SGCZ: variants seen among roughly 807,000 people sequenced by gnomAD.
SGCZ encodes the protein sarcoglycan zeta, also known as zeta-sarcoglycan.
In SGCZ, 40 loss-of-function variants were observed where a neutral mutation model predicts 41.3. The observed-to-expected ratio is 0.97, with a 90% CI of 0.75 to 1.26. The LOEUF (loss-of-function observed/expected upper bound fraction) is 1.26. SGCZ is among the 50% of genes most tolerant of loss of function. SGCZ has a pLI of 0.00. For missense variants in SGCZ, 552 were observed against 369.8 expected (o/e 1.49, Z -4.04); for synonymous variants, 206 against 137.5 (o/e 1.50, Z -3.49).
At chr8:14,833,233 T>C (rs1468398418) in intron 1 of SGCZ, among the ~76,000 whole-genome samples, 2 of 152,066 alleles carry the variant, frequency 1.3e-5, no homozygotes, top group Non-Finnish European at 2.9e-5. Flanking sequence ...TAAACACAAA[T>C]GACACAGAGT....
chr8:14,519,624 A>C (rs1802729529), intron 2 of SGCZ, among the ~76,000 whole-genome samples: 1 of 152,112 alleles, frequency 6.6e-6, no homozygotes, highest in South Asian at 2.1e-4. Context: ...AGAATGGAAG[A>C]ATATTTCCTG....
chr8:14,754,920 G>A (rs547445319), intron 1 of SGCZ, among the ~76,000 whole-genome samples: 54 of 152,036 alleles, frequency 3.6e-4, no homozygotes, highest in Admixed American at 1.6e-3. Flanking sequence ...TTGTAGAGAC[G>A]GCGTTTCACC....
chr8:14,558,613 A>AGAGAGAGAGAGAGAGAGAGAGAGAGAG (rs59852253), intron 1 of SGCZ, among the ~76,000 whole-genome samples: 4 of 148,536 alleles, frequency 2.7e-5, no homozygotes, highest in Non-Finnish European at 1.5e-5. Flanking sequence ...AGAGAGAGAG[A>AGAGAGAGAGAGAGAGAGAGAGAGAGAG]ATCTTCCATA....
chr8:15,062,469 AT>A (rs1442638942), intron 1 of SGCZ, among the ~76,000 whole-genome samples: 6 of 152,202 alleles, frequency 3.9e-5, no homozygotes, highest in African/African-American at 1.4e-4. Context: ...TTCCTATGCA[AT>A]AACGATATTT....
intron 4 of SGCZ, among the ~76,000 whole-genome samples, chr8:14,170,515 A>G (rs1009284329): frequency 1.3e-5 from 2 of 152,136 alleles, no homozygotes; most frequent in South Asian, 2.1e-4. Context: ...CCTGGCCTCT[A>G]TGAATTTTAA....
chr8:14,386,837 A>G (rs1804596056), intron 2 of SGCZ, among the ~76,000 whole-genome samples: 1 of 152,234 alleles, frequency 6.6e-6, no homozygotes, highest in East Asian at 1.9e-4. Context: ...ATATTTTAAT[A>G]TTAAAATTCT....
At chr8:14,691,871 C>A (rs533208564) in intron 1 of SGCZ, among the ~76,000 whole-genome samples, 9 of 151,840 alleles carry the variant, frequency 5.9e-5, no homozygotes, top group Non-Finnish European at 1.0e-4. Flanking sequence ...AATTTTATAA[C>A]TGTTTTGTGA....
At chr8:14,641,257 C>T (rs567608047) in intron 1 of SGCZ, among the ~76,000 whole-genome samples, 1 of 151,760 alleles carries the variant, frequency 6.6e-6, no homozygotes, top group East Asian at 2.0e-4. Context: ...GCAAAAGCAA[C>T]AAAACACATA....
intron 2 of SGCZ, among the ~76,000 whole-genome samples, chr8:14,437,286 T>C (rs894203720): frequency 1.3e-5 from 2 of 152,194 alleles, no homozygotes; most frequent in South Asian, 2.1e-4. Context: ...TAATTTCTTA[T>C]ACCACATTGA....
At chr8:14,239,663 G>A (rs1014963158) in intron 3 of SGCZ, among the ~76,000 whole-genome samples, 1 of 151,790 alleles carries the variant, frequency 6.6e-6, no homozygotes, top group African/African-American at 2.4e-5. Context: ...AGCACTTTGG[G>A]AGGCCGAGGC....
rs760788606 is a variant in SGCZ, at chr8:14,528,827, C to CAAAAA, written c.234+25900_234+25904dup. 2.0e-3 allele frequency among the ~76,000 whole-genome samples: 104 copies of CAAAAA among 52,546 alleles called. 3 individuals carry two copies. The highest frequency in any genetic ancestry group is 0.011 in the African/African-American group (98 of 9,206). 34.5% of individuals were successfully genotyped at this position (52,546 alleles called of 152,430 possible). The stretch of plus-strand genomic sequence containing the variant: ...TAATAACACAACATCACGGACCAGC[C>CAAAAA]AAAAAAAAAACAAAACAAAAACAAA... On this transcript the variant is annotated intron_variant, in intron 2 of 7. Coordinates refer to ENST00000382080, the MANE Select transcript of SGCZ (RefSeq NM_139167.4).
At chr8:14,469,860 C>T (rs1214894303) in intron 2 of SGCZ, among the ~76,000 whole-genome samples, 3 of 152,152 alleles carry the variant, frequency 2.0e-5, no homozygotes, top group Non-Finnish European at 4.4e-5. Context: ...GGCATGGAAG[C>T]TCTGTGCCCC....
chr8:14,126,842 G>A (rs1802876193), intron 5 of SGCZ, among the ~76,000 whole-genome samples: 1 of 152,078 alleles, frequency 6.6e-6, no homozygotes, highest in Non-Finnish European at 1.5e-5. Context: ...CAGGGACATG[G>A]ATGAAGCTGT....
intron 3 of SGCZ, among the ~76,000 whole-genome samples, chr8:14,271,794 G>A (rs1585305320): frequency 6.6e-6 from 1 of 152,160 alleles, no homozygotes; most frequent in Non-Finnish European, 1.5e-5. Flanking sequence ...CATATCTACT[G>A]TAAGGCATTT....
At chr8:14,197,279 C>T (rs1040601808) in intron 4 of SGCZ, among the ~76,000 whole-genome samples, 29 of 152,080 alleles carry the variant, frequency 1.9e-4, no homozygotes, top group African/African-American at 6.8e-4. Flanking sequence ...GAAGGGAACA[C>T]TTCACAACTT....
intron 1 of SGCZ, among the ~76,000 whole-genome samples, chr8:14,924,961 G>A (rs1189892204): frequency 3.3e-5 from 5 of 150,142 alleles, no homozygotes; most frequent in African/African-American, 9.8e-5. Flanking sequence ...GGGTTCAAGC[G>A]ATTCTTGTGC....
At chr8:14,145,671 C>T (rs1178800184) in intron 5 of SGCZ, among the ~76,000 whole-genome samples, 2 of 152,082 alleles carry the variant, frequency 1.3e-5, no homozygotes, top group Non-Finnish European at 2.9e-5. Flanking sequence ...TTTAAAATAG[C>T]TATGTTGAGA....
At chr8:14,106,449 G>T (rs2116995425) in intron 6 of SGCZ, among the ~76,000 whole-genome samples, 1 of 149,642 alleles carries the variant, frequency 6.7e-6, no homozygotes. Context: ...AGTCCTTGAA[G>T]AAGGCCACTT....
chr8:14,262,234 A>G (rs1208156526), intron 3 of SGCZ, among the ~76,000 whole-genome samples: 1 of 152,160 alleles, frequency 6.6e-6, no homozygotes, highest in Non-Finnish European at 1.5e-5. Flanking sequence ...AAAAGCAAGG[A>G]CCTTACTGAT....
Sources: gnomAD v4.1 joint callset for allele counts (sites outside exome capture counted in the v4.1 genomes callset) on GRCh38, gnomAD v4.1.1 for gene constraint, MANE v1.5 for transcripts, NCBI Gene and HGNC (gene_info 2026-07-23, HGNC 2026-07-21) for gene names.